Variants in RFX3 observed in about 807,000 individuals in gnomAD.
RFX3 encodes transcription factor RFX3.
In RFX3, 14 loss-of-function variants were observed where a neutral mutation model predicts 98.6. That is an observed-to-expected ratio of 0.14 (90% CI 0.09 to 0.22). RFX3 has a LOEUF of 0.22. Among genes scored for constraint, RFX3 ranks in the 10% least tolerant of loss-of-function variants. The pLI, the probability that RFX3 is intolerant of heterozygous loss-of-function variation, is 1.00. For synonymous variants in RFX3, 383 were observed against 328.4 expected, an observed-to-expected ratio of 1.17 and a Z score of -1.80; for missense variants, 639 against 926.9, an observed-to-expected ratio of 0.69 and a Z score of 4.03.
At position 3,469,914 on chromosome 9, in the gene RFX3, G is replaced by C. The variant is rs74650838; in HGVS notation, c.-9+55833C>G. Among the ~76,000 whole-genome samples the C allele has an allele frequency of 1.1e-3, 164 of 151,362 alleles. 1 individual carries two copies. The East Asian group carries it at 0.031, about 28-fold the overall frequency. On this transcript the variant is annotated intron_variant, in intron 1 of 16. Coordinates refer to ENST00000617270, the MANE Select transcript of RFX3 (RefSeq NM_001282116.2). ...CCAGCCTTAAAAAGGAAGCCTTTTC[G>C]AAGTACACCTAACCGACAACTCCAA...
At chr9:3,475,544 T>C (rs372736501) in intron 1 of RFX3, among the ~76,000 whole-genome samples, 1 of 152,198 alleles carries the variant, frequency 6.6e-6, no homozygotes. Flanking sequence ...GAGGACAGCT[T>C]ATGCTACTAT....
intron 1 of RFX3, among the ~76,000 whole-genome samples, chr9:3,408,178 A>G (rs574769241): frequency 6.6e-6 from 1 of 152,262 alleles, no homozygotes; most frequent in South Asian, 2.1e-4. Flanking sequence ...TTGATCACAA[A>G]TTGCATTCAG....
intron 1 of RFX3, among the ~76,000 whole-genome samples, chr9:3,450,736 TATC>T (rs1430228439): frequency 6.6e-6 from 1 of 151,880 alleles, no homozygotes; most frequent in Non-Finnish European, 1.5e-5. Flanking sequence ...AATCAAGTGA[TATC>T]ATTACAGAAT....
intron 15 of RFX3, among the ~76,000 whole-genome samples, chr9:3,234,995 C>G (rs555227870): frequency 6.6e-6 from 1 of 152,232 alleles, no homozygotes. Context: ...GAAAAATCAT[C>G]TTCCTCCACT....
intron 1 of RFX3, among the ~76,000 whole-genome samples, chr9:3,426,872 C>G (rs1208657564): frequency 6.6e-6 from 1 of 152,044 alleles, no homozygotes; most frequent in South Asian, 2.1e-4. Context: ...ATAAAGCACA[C>G]AATAAATGTA....
intron 4 of RFX3, among the ~76,000 whole-genome samples, chr9:3,305,145 T>G (rs7858027): frequency 0.039 from 5,929 of 152,092 alleles, 353 homozygotes; most frequent in African/African-American, 0.13. Context: ...AAGCACAGGC[T>G]GTGTCCATAT....
intron 4 of RFX3, among the ~76,000 whole-genome samples, chr9:3,311,316 GTAAGAC>G (rs1230303560): frequency 6.6e-6 from 1 of 152,142 alleles, no homozygotes; most frequent in South Asian, 2.1e-4. Context: ...TTGAGATCAG[GTAAGAC>G]AGAACATTTC....
At chr9:3,438,058 G>A (rs1845306746) in intron 1 of RFX3, among the ~76,000 whole-genome samples, 1 of 151,934 alleles carries the variant, frequency 6.6e-6, no homozygotes, top group Admixed American at 6.6e-5. Context: ...ATACAAGCTG[G>A]CCATCTCCAA....
intron 4 of RFX3, among the ~76,000 whole-genome samples, chr9:3,324,545 G>A (rs1205758204): frequency 6.7e-6 from 1 of 148,954 alleles, no homozygotes; most frequent in Non-Finnish European, 1.5e-5. Flanking sequence ...ATATTGTTAG[G>A]TGAAAAAAAG....
intron 3 of RFX3, among the ~76,000 whole-genome samples, chr9:3,345,193 T>C (rs568971119): frequency 6.6e-6 from 1 of 152,020 alleles, no homozygotes; most frequent in South Asian, 2.1e-4. Flanking sequence ...GAGTGACATG[T>C]CTGTCTATAA....
At chr9:3,479,741 G>C (rs1305440228) in intron 1 of RFX3, among the ~76,000 whole-genome samples, 1 of 152,124 alleles carries the variant, frequency 6.6e-6, no homozygotes, top group Non-Finnish European at 1.5e-5. Flanking sequence ...ACTATACTCT[G>C]ATAGTAAGAA....
chr9:3,246,976 T>C, intron 15 of RFX3: 2 of 737,662 alleles, frequency 2.7e-6, no homozygotes, highest in Non-Finnish European at 3.3e-6. Flanking sequence ...GTCCTTGAAG[T>C]ATTTTAATGT....
chr9:3,233,862 A>C (rs1404538733), intron 15 of RFX3, among the ~76,000 whole-genome samples: 1 of 152,182 alleles, frequency 6.6e-6, no homozygotes, highest in South Asian at 2.1e-4. Context: ...AATGATCACC[A>C]TTATCAATAT....
At chr9:3,240,287 T>C (rs1819743239) in intron 15 of RFX3, among the ~76,000 whole-genome samples, 1 of 152,232 alleles carries the variant, frequency 6.6e-6, no homozygotes, top group Admixed American at 6.5e-5. Flanking sequence ...TCCTGGGCCC[T>C]GTAAATTGCA....
intron 4 of RFX3, among the ~76,000 whole-genome samples, chr9:3,314,421 C>T (rs1830333994): frequency 6.6e-6 from 1 of 152,090 alleles, no homozygotes; most frequent in Non-Finnish European, 1.5e-5. Context: ...CAAAAACATG[C>T]CAGATTGTAA....
intron 2 of RFX3, among the ~76,000 whole-genome samples, chr9:3,369,153 C>T (rs1837532649): frequency 6.6e-6 from 1 of 152,138 alleles, no homozygotes; most frequent in African/African-American, 2.4e-5. Context: ...CGTTTTAGTC[C>T]GTTCAGTCTG....
chr9:3,466,142 T>C (rs938942641), intron 1 of RFX3, among the ~76,000 whole-genome samples: 4 of 152,226 alleles, frequency 2.6e-5, no homozygotes, highest in African/African-American at 9.6e-5. Flanking sequence ...TTTTACTCTG[T>C]AGCAGGAAAA....
intron 2 of RFX3, among the ~76,000 whole-genome samples, chr9:3,350,644 G>C (rs1423519864): frequency 2.0e-5 from 3 of 152,072 alleles, no homozygotes; most frequent in Non-Finnish European, 2.9e-5. Context: ...ATAATTGCTA[G>C]AACTTGGTAA....
chr9:3,285,002 C>G (rs1370456752), intron 7 of RFX3, among the ~76,000 whole-genome samples: 3 of 151,684 alleles, frequency 2.0e-5, no homozygotes, highest in East Asian at 1.9e-4. Flanking sequence ...TAAAGGAGCT[C>G]AAGAAATTGT....
Sources: allele counts gnomAD v4.1 joint callset (sites outside exome capture counted in the v4.1 genomes callset), GRCh38; gene constraint gnomAD v4.1.1; transcripts MANE v1.5; gene names NCBI Gene and HGNC (gene_info 2026-07-23, HGNC 2026-07-21).